Variants in MAP4K4 observed in about 807,000 individuals in gnomAD.
MAP4K4 encodes HPK/GCK-like kinase HGK.
MAP4K4 carries 38 observed loss-of-function variants against 189.6 expected under a neutral mutation model. The ratio of observed to expected loss-of-function variants is 0.20; its 90% CI spans 0.15 to 0.26. MAP4K4 has a LOEUF of 0.26. Ranked by LOEUF, MAP4K4 falls within the 10% of genes least tolerant of loss-of-function variation. MAP4K4 has a pLI of 1.00. For missense variants in MAP4K4, 1,054 were observed against 1,726.9 expected (o/e 0.61, Z 6.91); for synonymous variants, 610 against 624.3 (o/e 0.98, Z 0.34).
chr2:101,887,299 T>G, intron 30 of MAP4K4, 62 bp downstream of exon 30: 2 of 1,527,338 alleles, frequency 1.3e-6, no homozygotes, highest in Non-Finnish European at 1.8e-6. Flanking sequence ...GACTTTCTTC[T>G]TTACTCTGCT....
chr2:101,749,760 A>G (rs1475570630), intron 2 of MAP4K4, among the ~76,000 whole-genome samples: 1 of 144,980 alleles, frequency 6.9e-6, no homozygotes, highest in African/African-American at 2.7e-5. Context: ...CAACCTACTC[A>G]TCTGACAAAG....
chr2:101,823,551 A>T (rs1038830192), intron 3 of MAP4K4, among the ~76,000 whole-genome samples: 20 of 152,224 alleles, frequency 1.3e-4, no homozygotes, highest in African/African-American at 4.3e-4. Context: ...TTTCCAAGTG[A>T]TAAGTTCAAA....
intron 8 of MAP4K4, 150 bp from the exon 9 acceptor site, chr2:101,835,750 G>T: frequency 3.9e-6 from 2 of 508,052 alleles, no homozygotes; most frequent in Non-Finnish European, 7.4e-6. Flanking sequence ...ATATGCCCTG[G>T]AGTTCATAAC....
At chr2:101,831,904 G>A (rs2096604514) in intron 7 of MAP4K4, 53 bp downstream of exon 7, 1 of 1,588,794 alleles carries the variant, frequency 6.3e-7, no homozygotes, top group Non-Finnish European at 8.6e-7. Context: ...ATACCCGAGG[G>A]ATGGGGGCTT....
In MAP4K4 at chr2:101,836,545, G is replaced by C. The variant is rs186999308; in HGVS notation, c.773+567G>C. 5.9e-5 allele frequency among the ~76,000 whole-genome samples: 9 copies of C among 151,904 alleles called. 1 individual carries two copies. In the South Asian group the frequency reaches 1.9e-3, roughly 32 times the overall value. On this transcript the variant is annotated intron_variant, in intron 9 of 32. Coordinates refer to ENST00000324219, the Ensembl canonical transcript of MAP4K4. ...AGAGGTTGTGGTGAGCCGAGATCACGCCATTGCACTCCAGCCTGGGTAACA... is the reference window on the plus strand; with the variant it reads ...AGAGGTTGTGGTGAGCCGAGATCACCCCATTGCACTCCAGCCTGGGTAACA...
chr2:101,818,152 G>A (rs550950480), intron 3 of MAP4K4, among the ~76,000 whole-genome samples: 2 of 152,284 alleles, frequency 1.3e-5, no homozygotes, highest in Admixed American at 6.5e-5. Flanking sequence ...GTAAAAAGTA[G>A]TCAGTTCTCA....
intron 2 of MAP4K4, among the ~76,000 whole-genome samples, chr2:101,714,431 A>G (rs2047336922): frequency 6.6e-6 from 1 of 152,206 alleles, no homozygotes; most frequent in Non-Finnish European, 1.5e-5. Context: ...ATTTTCTTAC[A>G]TTTCAAAAGA....
At chr2:101,761,085 TA>T (rs1231124141) in intron 2 of MAP4K4, among the ~76,000 whole-genome samples, 13 of 152,168 alleles carry the variant, frequency 8.5e-5, no homozygotes, top group African/African-American at 3.1e-4. Flanking sequence ...AGAACCAACT[TA>T]AAAAAATGTG....
intron 2 of MAP4K4, among the ~76,000 whole-genome samples, chr2:101,713,723 C>CT (rs2046888798): frequency 2.0e-5 from 3 of 151,086 alleles, no homozygotes. Context: ...GGCGAAACCC[C>CT]GTCTCTACTA....
chr2:101,698,050 G>T, exon 1 of MAP4K4: 1 of 1,311,702 alleles, frequency 7.6e-7, no homozygotes, highest in Non-Finnish European at 1.0e-6. Context: ...GACATTTATT[G>T]TTATTTGTTT....
chr2:101,884,914 C>T (rs1383076268), intron 28 of MAP4K4, among the ~76,000 whole-genome samples: 2 of 152,092 alleles, frequency 1.3e-5, no homozygotes, highest in African/African-American at 4.8e-5. Context: ...GGTGGTATAC[C>T]TGGCATTGTC....
chr2:101,875,296 A>G (rs1316494002), intron 26 of MAP4K4, among the ~76,000 whole-genome samples: 1 of 152,340 alleles, frequency 6.6e-6, no homozygotes, highest in African/African-American at 2.4e-5. Flanking sequence ...ATAAAATTAT[A>G]TGAAAATGAA....
intron 2 of MAP4K4, among the ~76,000 whole-genome samples, chr2:101,757,446 C>G (rs114331903): frequency 9.9e-5 from 15 of 152,256 alleles, no homozygotes; most frequent in African/African-American, 3.6e-4. Flanking sequence ...CTGTAGCTCA[C>G]AAATGGTAGA....
intron 2 of MAP4K4, among the ~76,000 whole-genome samples, chr2:101,708,309 GAACAAT>G (rs150726033): frequency 0.011 from 1,631 of 152,084 alleles, 38 homozygotes; most frequent in African/African-American, 0.037. Flanking sequence ...TTTTCATCCA[GAACAAT>G]AACAATACCA....
At chr2:101,707,780 TC>T (rs2043159215) in intron 2 of MAP4K4, among the ~76,000 whole-genome samples, 1 of 149,078 alleles carries the variant, frequency 6.7e-6, no homozygotes, top group African/African-American at 2.5e-5. Flanking sequence ...AAGTTCTGCC[TC>T]CCGGGTTCAC....
At chr2:101,870,394 G>A (rs2097950321) in exon 23 of MAP4K4, 1 of 1,613,612 alleles carries the variant, frequency 6.2e-7, no homozygotes, top group African/African-American at 1.3e-5. Context: ...CATCCAAGGA[G>A]GGCACTCTAA....
intron 13 of MAP4K4, among the ~76,000 whole-genome samples, chr2:101,856,929 T>C (rs781582368): frequency 6.6e-6 from 1 of 152,258 alleles, no homozygotes; most frequent in Non-Finnish European, 1.5e-5. Context: ...ATGCTTATCA[T>C]GTGTCTTGGG....
At chr2:101,810,367 T>C (rs912806458) in intron 3 of MAP4K4, among the ~76,000 whole-genome samples, 1 of 152,184 alleles carries the variant, frequency 6.6e-6, no homozygotes, top group African/African-American at 2.4e-5. Flanking sequence ...GTATTATATT[T>C]GCATTATATA....
At position 101,758,933 on chromosome 2, in the gene MAP4K4, A is replaced by G. The variant is rs2074312266; in HGVS notation, c.124-31787A>G. ...CGGATCACGAGATCAGGAGATCGAG[A>G]CCATCCTGGCTAACATGGTGAAACC... On this transcript the variant is annotated intron_variant, in intron 2 of 32. Transcript: ENST00000324219. 1.3e-5 allele frequency among the ~76,000 whole-genome samples: 2 copies of G among 152,038 alleles called. 1 individual carries two copies. The highest frequency in any genetic ancestry group is 4.1e-4 in the South Asian group (2 of 4,824).
Sources: allele counts gnomAD v4.1 joint callset (sites outside exome capture counted in the v4.1 genomes callset), GRCh38; gene constraint gnomAD v4.1.1; transcripts MANE v1.5; gene names NCBI Gene and HGNC (gene_info 2026-07-23, HGNC 2026-07-21).